Variants in GLYATL2 observed in about 807,000 individuals in gnomAD.
GLYATL2 encodes glycine-N-acyltransferase like 2, also known as glycine N-acyltransferase-like protein 2.
GLYATL2 carries 25 observed loss-of-function variants against 21.4 expected under a neutral mutation model. The ratio of observed to expected loss-of-function variants is 1.17; its 90% CI spans 0.85 to 1.63. GLYATL2 has a LOEUF of 1.63. Among genes scored for constraint, GLYATL2 ranks in the 40% most tolerant of loss-of-function variants. The pLI is 0.00. For synonymous variants in GLYATL2, 114 were observed against 118.2 expected, an observed-to-expected ratio of 0.96 and a Z score of 0.23; for missense variants, 361 against 343.3, an observed-to-expected ratio of 1.05 and a Z score of -0.41.
intron 1 of GLYATL2, among the ~76,000 whole-genome samples, chr11:58,841,200 T>A (rs12576002): frequency 6.6e-6 from 1 of 152,176 alleles, no homozygotes; most frequent in Non-Finnish European, 1.5e-5. Context: ...GAAAACTCAG[T>A]AAATATGACA....
chr11:58,838,839 G>A (rs9943656), intron 2 of GLYATL2, among the ~76,000 whole-genome samples: 38,785 of 151,924 alleles, frequency 0.26, 5,373 homozygotes, highest in East Asian at 0.5. Flanking sequence ...ATATGGTGGT[G>A]TAGGATCCCA....
chr11:58,853,852 C>G (rs1432910470), intron 1 of GLYATL2, among the ~76,000 whole-genome samples: 2 of 152,162 alleles, frequency 1.3e-5, no homozygotes, highest in East Asian at 3.9e-4. Flanking sequence ...TAACAATTTT[C>G]ATAAAATAGT....
intron 1 of GLYATL2, among the ~76,000 whole-genome samples, chr11:58,876,308 T>C (rs913843871): frequency 1.2e-4 from 18 of 152,254 alleles, no homozygotes; most frequent in Non-Finnish European, 2.5e-4. Flanking sequence ...TCATTCTCCG[T>C]CCAGCTTTGT....
At chr11:58,907,743 C>A, upstream of GLYATL2, 1 of 204,884 alleles carries the variant, frequency 4.9e-6, no homozygotes, top group South Asian at 8.3e-5. Context: ...TTTTTACATT[C>A]CTATCAATAT....
At chr11:58,847,331 G>C (rs1943289), upstream of GLYATL2, among the ~76,000 whole-genome samples, 9 of 152,102 alleles carry the variant, frequency 5.9e-5, no homozygotes, top group Non-Finnish European at 2.9e-5. Context: ...GAAGTAAAGA[G>C]ACTTTGTTTT....
Position 58,837,255 on chromosome 11 carries a change from A to G in GLYATL2, c.313+16T>C. ...AATAAACCATGGATCTTTTTCTTTT[A>G]ACTCAGACTAGTTACCTTGGATCTG... On this transcript the variant is annotated intron_variant, in intron 4 of 5. Coordinates refer to ENST00000287275, the MANE Select transcript of GLYATL2 (RefSeq NM_145016.4). 1.2e-6 allele frequency: 2 copies of G among 1,613,116 alleles called. No homozygotes were observed. The highest frequency in any genetic ancestry group is 8.5e-7 in the Non-Finnish European group (1 of 1,179,646).
At chr11:58,853,385 G>A (rs1465142013) in intron 1 of GLYATL2, among the ~76,000 whole-genome samples, 1 of 152,134 alleles carries the variant, frequency 6.6e-6, no homozygotes, top group Non-Finnish European at 1.5e-5. Flanking sequence ...TTCAAAACCT[G>A]TGTACACAGA....
At chr11:58,864,474 G>C (rs1444473181) in intron 1 of GLYATL2, among the ~76,000 whole-genome samples, 1 of 149,158 alleles carries the variant, frequency 6.7e-6, no homozygotes, top group Non-Finnish European at 1.5e-5. Flanking sequence ...TGGGGCCATA[G>C]GGGCATACCT....
At chr11:58,889,258 G>T (rs966360076) in intron 1 of GLYATL2, among the ~76,000 whole-genome samples, 30 of 151,346 alleles carry the variant, frequency 2.0e-4, no homozygotes, top group South Asian at 2.1e-4. Flanking sequence ...CTGTTTTTTT[G>T]TGTGTGTGGG....
intron 1 of GLYATL2, among the ~76,000 whole-genome samples, chr11:58,842,556 G>C (rs1853573304): frequency 6.6e-6 from 1 of 151,076 alleles, no homozygotes; most frequent in African/African-American, 2.4e-5. Flanking sequence ...TCTGGGGTGG[G>C]TTCCTGCCTT....
chr11:58,839,509 C>T (rs1853505551), intron 2 of GLYATL2, 26 bp downstream of exon 2: 1 of 1,474,584 alleles, frequency 6.8e-7, no homozygotes, highest in South Asian at 1.2e-5. Flanking sequence ...CCCTCTCTCT[C>T]CTTTGATCTC....
chr11:58,882,971 G>A (rs1482542258), intron 1 of GLYATL2, among the ~76,000 whole-genome samples: 1 of 152,186 alleles, frequency 6.6e-6, no homozygotes, highest in Non-Finnish European at 1.5e-5. Context: ...TTGTAGTATA[G>A]TTTGAAGTCA....
intron 1 of GLYATL2, among the ~76,000 whole-genome samples, chr11:58,897,306 C>T (rs1201021555): frequency 6.6e-6 from 1 of 152,188 alleles, no homozygotes; most frequent in Non-Finnish European, 1.5e-5. Context: ...CCAAAAGAAA[C>T]TCTTATAAAT....
At chr11:58,884,453 C>A (rs1854400056) in intron 1 of GLYATL2, among the ~76,000 whole-genome samples, 1 of 152,048 alleles carries the variant, frequency 6.6e-6, no homozygotes, top group Non-Finnish European at 1.5e-5. Flanking sequence ...GAGTGAACTC[C>A]CATTCACAAT....
intron 1 of GLYATL2, among the ~76,000 whole-genome samples, chr11:58,886,299 C>T (rs1042798375): frequency 3.3e-5 from 5 of 152,184 alleles, no homozygotes. Flanking sequence ...GGAAGCACGT[C>T]TTTTGTTAGT....
At chr11:58,842,484 G>C (rs1409342065) in intron 1 of GLYATL2, among the ~76,000 whole-genome samples, 1 of 141,074 alleles carries the variant, frequency 7.1e-6, no homozygotes, top group Non-Finnish European at 1.5e-5. Flanking sequence ...CTCTGTGTGT[G>C]TGTGTGTGTG....
At chr11:58,883,979 TCAA>T (rs1854390875) in intron 1 of GLYATL2, among the ~76,000 whole-genome samples, 1 of 152,180 alleles carries the variant, frequency 6.6e-6, no homozygotes, top group Non-Finnish European at 1.5e-5. Context: ...CATGATTTTC[TCAA>T]CAGATGCAGA....
intron 1 of GLYATL2, among the ~76,000 whole-genome samples, chr11:58,873,311 T>G (rs988218355): frequency 1.3e-5 from 2 of 151,908 alleles, no homozygotes; most frequent in Admixed American, 6.6e-5. Context: ...GGCCAGAACT[T>G]CCAACACTAT....
At chr11:58,864,883 G>C (rs949831278) in intron 1 of GLYATL2, among the ~76,000 whole-genome samples, 10 of 148,962 alleles carry the variant, frequency 6.7e-5, no homozygotes, top group Non-Finnish European at 1.3e-4. Context: ...AAGTGCCTCA[G>C]CAGCATCAGA....
Sources: allele counts gnomAD v4.1 joint callset (sites outside exome capture counted in the v4.1 genomes callset), GRCh38; gene constraint gnomAD v4.1.1; transcripts MANE v1.5; gene names NCBI Gene and HGNC (gene_info 2026-07-23, HGNC 2026-07-21).